Variants in TTC28 observed in about 807,000 individuals in gnomAD.
The protein encoded by TTC28 is tetratricopeptide repeat protein 28.
A neutral mutation model predicts 198.0 loss-of-function variants in TTC28; 61 were observed. The observed-to-expected ratio is 0.31, with a 90% confidence interval of 0.25 to 0.38. The LOEUF (loss-of-function observed/expected upper bound fraction) is 0.38, where lower values mean the gene tolerates loss of function less well. TTC28 is among the 10% of genes least tolerant of loss of function. TTC28 has a pLI of 1.00. For synonymous variants in TTC28, 1,171 were observed against 1,297.8 expected, an observed-to-expected ratio of 0.90 and a Z score of 2.10; for missense variants, 2,678 against 3,164.0, an observed-to-expected ratio of 0.85 and a Z score of 3.69.
At chr22:28,345,217 C>T (rs756183593) in intron 2 of TTC28, among the ~76,000 whole-genome samples, 2 of 152,038 alleles carry the variant, frequency 1.3e-5, no homozygotes, top group African/African-American at 4.8e-5. Context: ...CCACAACAGC[C>T]GCAAATATTT....
chr22:28,530,521 A>G (rs1205170196), intron 2 of TTC28, among the ~76,000 whole-genome samples: 3 of 152,188 alleles, frequency 2.0e-5, no homozygotes, highest in Non-Finnish European at 4.4e-5. Context: ...CCAACCTAGC[A>G]AGGCAGGCCA....
intron 2 of TTC28, among the ~76,000 whole-genome samples, chr22:28,409,560 TTA>T (rs554733829): frequency 3.2e-4 from 48 of 150,112 alleles, no homozygotes; most frequent in Middle Eastern, 3.6e-3. Context: ...TTATATGTGT[TTA>T]TATGTTATAT....
Position 28,105,510 on chromosome 22 carries a change from T to C in TTC28, c.3076A>G (p.Ile1026Val). The C allele has an allele frequency of 1.3e-6, 2 of 1,551,646 alleles. No homozygotes were observed. The highest frequency in any genetic ancestry group is 1.7e-6 in the Non-Finnish European group (2 of 1,146,988). ...ALQYHQLDLQIAEETNNPTCQ... is the reference protein window; with the variant it reads ...ALQYHQLDLQVAEETNNPTCQ... The stretch of plus-strand genomic sequence containing the variant: ...GTGGGGTTGTTGGTTTCCTCTGCTA[T>C]CTGTAGATCAAGCTGGTGGTACTGC... The change falls in exon 8 of 23, where the codon ATA becomes GTA. Residue 1026 changes from isoleucine (I) to valine (V), a missense_variant. By Grantham distance (29) the Ile-to-Val change is conservative. Transcript: ENST00000397906.
chr22:28,365,495 C>CA (rs1177800745), intron 2 of TTC28, among the ~76,000 whole-genome samples: 4 of 152,072 alleles, frequency 2.6e-5, no homozygotes, highest in East Asian at 1.9e-4. Flanking sequence ...TTATTTGTAG[C>CA]AAAAAAACAT....
At chr22:28,489,273 G>A (rs1297119324) in intron 2 of TTC28, among the ~76,000 whole-genome samples, 2 of 145,990 alleles carry the variant, frequency 1.4e-5, no homozygotes, top group East Asian at 4.0e-4. Context: ...GACAGAGCAA[G>A]ATCCTATCTC....
At chr22:28,336,552 C>T (rs2045722539) in intron 2 of TTC28, among the ~76,000 whole-genome samples, 2 of 152,080 alleles carry the variant, frequency 1.3e-5, no homozygotes, top group Non-Finnish European at 2.9e-5. Flanking sequence ...CAACTTCTTC[C>T]TGGTTTAGTC....
intron 5 of TTC28, among the ~76,000 whole-genome samples, chr22:28,294,361 G>A (rs753330323): frequency 1.2e-4 from 19 of 152,082 alleles, no homozygotes; most frequent in Non-Finnish European, 2.2e-4. Context: ...ACACTATTGA[G>A]AAGAGGGAAG....
chr22:28,184,459 C>A (rs1923997862), intron 5 of TTC28, among the ~76,000 whole-genome samples: 2 of 152,156 alleles, frequency 1.3e-5, no homozygotes, highest in South Asian at 4.1e-4. Context: ...ATAAATATTC[C>A]TTTTGGAAAT....
chr22:28,142,878 CT>C (rs535022226), intron 6 of TTC28, among the ~76,000 whole-genome samples: 13 of 152,132 alleles, frequency 8.5e-5, no homozygotes, highest in Non-Finnish European at 1.5e-4. Context: ...ATAAAATTAG[CT>C]TTTTGAAGAA....
intron 13 of TTC28, among the ~76,000 whole-genome samples, chr22:28,016,557 C>T (rs1467184585): frequency 6.6e-6 from 1 of 152,194 alleles, no homozygotes; most frequent in Non-Finnish European, 1.5e-5. Context: ...GGACTATGGG[C>T]TCATGTACCC....
In TTC28 at chr22:28,001,795, G is replaced by A. The variant is rs1244021310; in HGVS notation, c.4219-242C>T. 1.6e-5 allele frequency: 9 copies of A among 549,544 alleles called. No homozygotes were observed. The East Asian group carries it at 2.6e-4, about 16-fold the overall frequency. The allele number at this position is 549,544 out of a possible 1,614,324, so 34.0% of individuals were successfully genotyped here. A position where few individuals can be genotyped will look rare whatever the true frequency, so the allele number is the denominator to read the frequency against. ...GCATCCATCTGCCTCACAGTCCTGA[G>A]AAGGTTAGAGGACAGTTTCTTGAAG... On this transcript the variant is annotated intron_variant, in intron 14 of 22. Transcript: ENST00000397906.
At chr22:28,031,709 T>C (rs953394576) in intron 12 of TTC28, among the ~76,000 whole-genome samples, 4 of 152,050 alleles carry the variant, frequency 2.6e-5, no homozygotes, top group Admixed American at 2.0e-4. Flanking sequence ...ACACCAACCA[T>C]GGTGTGATGG....
intron 2 of TTC28, among the ~76,000 whole-genome samples, chr22:28,383,262 T>C (rs987593290): frequency 5.3e-5 from 8 of 152,220 alleles, no homozygotes; most frequent in African/African-American, 1.9e-4. Context: ...CCTGTACTTA[T>C]TACATCTATT....
At chr22:28,167,638 T>G (rs540668284) in intron 5 of TTC28, among the ~76,000 whole-genome samples, 1 of 152,168 alleles carries the variant, frequency 6.6e-6, no homozygotes, top group Non-Finnish European at 1.5e-5. Flanking sequence ...TGCTAAAATC[T>G]CTCTATAAAT....
intron 6 of TTC28, among the ~76,000 whole-genome samples, chr22:28,121,514 C>T (rs1213429785): frequency 6.6e-6 from 1 of 152,234 alleles, no homozygotes; most frequent in African/African-American, 2.4e-5. Flanking sequence ...GAGCAGACAA[C>T]TTTACTGCTT....
At chr22:28,356,748 G>A (rs1040098479) in intron 2 of TTC28, among the ~76,000 whole-genome samples, 1 of 150,792 alleles carries the variant, frequency 6.6e-6, no homozygotes, top group South Asian at 2.1e-4. Context: ...GTGGGCAGCT[G>A]AGAACCTGTT....
rs1194273893 is a variant in TTC28, at chr22:28,387,842, A to G, written c.382-81199T>C. On this transcript the variant is annotated intron_variant, in intron 2 of 22. Transcript: ENST00000397906. ...TTCTTTTGCTGTGCAGAAGCTCTTT[A>G]GTTTAATTAGATCCCATTTGTCAAT... is the stretch of plus-strand genomic sequence containing the variant. 1.3e-4 allele frequency among the ~76,000 whole-genome samples: 20 copies of G among 152,140 alleles called. No individual in the cohort carries two copies. In the East Asian group the frequency reaches 3.5e-3, roughly 26 times the overall value.
At chr22:28,128,030 C>T (rs149739806) in intron 6 of TTC28, among the ~76,000 whole-genome samples, 33 of 152,052 alleles carry the variant, frequency 2.2e-4, no homozygotes, top group African/African-American at 7.7e-4. Context: ...TACCTAGACA[C>T]CTTCTTCATT....
At chr22:28,636,127 A>ATT (rs71316851) in intron 1 of TTC28, among the ~76,000 whole-genome samples, 16,097 of 65,344 alleles carry the variant, frequency 0.25, 5,805 homozygotes, top group Admixed American at 0.3. Context: ...AAATGTCAGG[A>ATT]TTTTTTTTTT....
Sources: allele counts gnomAD v4.1 joint callset (sites outside exome capture counted in the v4.1 genomes callset), GRCh38; gene constraint gnomAD v4.1.1; transcripts MANE v1.5; gene names NCBI Gene and HGNC (gene_info 2026-07-23, HGNC 2026-07-21).